The following CAST variants were observed in gnomAD, a reference collection of about 807,000 sequenced individuals.
CAST encodes calpastatin.
A neutral mutation model predicts 119.6 loss-of-function variants in CAST; 76 were observed. The observed-to-expected ratio is 0.64, with a 90% CI of 0.53 to 0.77. CAST has a LOEUF of 0.77. Ranked by LOEUF, CAST falls within the 30% of genes least tolerant of loss-of-function variation. The probability of loss-of-function intolerance (pLI) is 0.00; values close to 1 mark genes in which losing one functional copy is unlikely to be tolerated. For missense variants in CAST, 953 were observed against 946.5 expected (o/e 1.01, Z -0.09); for synonymous variants, 319 against 331.6 (o/e 0.96, Z 0.41).
the CAST span, chr5:96,429,099 T>C: frequency 2.2e-5 from 15 of 670,072 alleles, no homozygotes; most frequent in Non-Finnish European, 2.4e-5. Context: ...ATAAACAATC[T>C]TGGTCACAAT....
chr5:95,982,573 G>A, the CAST span, among the ~76,000 whole-genome samples: 1 of 152,006 alleles, frequency 6.6e-6, no homozygotes, highest in Non-Finnish European at 1.5e-5. Context: ...GTAATTATAG[G>A]GCCTAACTTA....
intron 9 of CAST, among the ~76,000 whole-genome samples, chr5:96,732,176 C>A (rs561131565): frequency 7.1e-6 from 1 of 141,332 alleles, no homozygotes; most frequent in East Asian, 2.1e-4. Context: ...TGTTTCCTGA[C>A]TTTTGAATGA....
intron 2 of CAST, among the ~76,000 whole-genome samples, chr5:96,683,469 A>C (rs541711631): frequency 6.6e-6 from 1 of 152,316 alleles, no homozygotes; most frequent in South Asian, 2.1e-4. Context: ...AAGCTCCTCT[A>C]TTCTAGTTTG....
At chr5:96,464,108 G>A in the CAST span, among the ~76,000 whole-genome samples, 1 of 151,758 alleles carries the variant, frequency 6.6e-6, no homozygotes, top group Non-Finnish European at 1.5e-5. Context: ...AGGTCTAAAG[G>A]TTTTGTTTTG....
chr5:96,120,432 T>C, the CAST span, among the ~76,000 whole-genome samples: 1 of 152,036 alleles, frequency 6.6e-6, no homozygotes, highest in South Asian at 2.1e-4. Context: ...TGTTTGCAAG[T>C]CTGGTTTTCT....
At chr5:96,315,155 G>A in the CAST span, among the ~76,000 whole-genome samples, 1 of 152,120 alleles carries the variant, frequency 6.6e-6, no homozygotes, top group Non-Finnish European at 1.5e-5. Flanking sequence ...ACTGTGATAC[G>A]GGTATAAGTA....
the CAST span, among the ~76,000 whole-genome samples, chr5:96,243,595 G>A: frequency 6.6e-6 from 1 of 152,080 alleles, no homozygotes; most frequent in Non-Finnish European, 1.5e-5. Flanking sequence ...GCAGTTTCTG[G>A]AGAAGAGGCT....
the CAST span, among the ~76,000 whole-genome samples, chr5:96,227,139 G>T: frequency 6.6e-6 from 1 of 152,108 alleles, no homozygotes; most frequent in South Asian, 2.1e-4. Flanking sequence ...GAGGGGGAGG[G>T]TGCTTTTAAT....
At chr5:96,535,709 G>GACT (rs1313595291) in intron 1 of CAST, among the ~76,000 whole-genome samples, 1 of 151,740 alleles carries the variant, frequency 6.6e-6, no homozygotes, top group East Asian at 2.0e-4. Context: ...GAGTAGCTGG[G>GACT]ACTACAGGCG....
intron 1 of CAST, among the ~76,000 whole-genome samples, chr5:96,532,849 C>CA (rs886567751): frequency 3.1e-4 from 46 of 149,932 alleles, no homozygotes; most frequent in African/African-American, 1.0e-3. Flanking sequence ...AACTCCATCT[C>CA]AAAAAAAAAT....
At chr5:96,321,663 C>A in the CAST span, among the ~76,000 whole-genome samples, 2 of 152,316 alleles carry the variant, frequency 1.3e-5, no homozygotes, top group East Asian at 1.9e-4. Flanking sequence ...CCCAAGGAGG[C>A]AAATTGCCCA....
At chr5:96,375,563 G>A in the CAST span, among the ~76,000 whole-genome samples, 1 of 151,984 alleles carries the variant, frequency 6.6e-6, no homozygotes, top group Non-Finnish European at 1.5e-5. Context: ...ATTAATTTAT[G>A]TGTCAACTGG....
chr5:95,984,414 T>C, the CAST span, among the ~76,000 whole-genome samples: 1 of 152,194 alleles, frequency 6.6e-6, no homozygotes, highest in Non-Finnish European at 1.5e-5. Context: ...TTAACAGTGA[T>C]ACTCTATCCT....
At chr5:96,345,767 G>A in the CAST span, among the ~76,000 whole-genome samples, 2 of 152,170 alleles carry the variant, frequency 1.3e-5, no homozygotes, top group African/African-American at 2.4e-5. Context: ...TCAGTTCCCT[G>A]CTGGCTGTTG....
At chr5:96,017,545 A>G in the CAST span, among the ~76,000 whole-genome samples, 1 of 152,200 alleles carries the variant, frequency 6.6e-6, no homozygotes, top group East Asian at 1.9e-4. Context: ...TTGTGGTCAC[A>G]TGTCTTTCAT....
the CAST span, among the ~76,000 whole-genome samples, chr5:95,983,651 T>G: frequency 2.0e-5 from 3 of 151,096 alleles, no homozygotes; most frequent in Admixed American, 2.0e-4. Flanking sequence ...CATAATCACA[T>G]GTTACTTTAA....
At chr5:96,712,293 G>A (rs1444327011) in intron 3 of CAST, among the ~76,000 whole-genome samples, 1 of 152,156 alleles carries the variant, frequency 6.6e-6, no homozygotes, top group Non-Finnish European at 1.5e-5. Context: ...TGGCTCCAAA[G>A]CCATTCTTCT....
At position 96,534,747 on chromosome 5, in the gene CAST, A is replaced by AAG. The variant is rs1400894061; in HGVS notation, c.60+4869_60+4870dup. On this transcript the variant is annotated intron_variant, in intron 1 of 11. Transcript: ENST00000505143. ...AGAGAGAGAGAGAGAGAGAGAAAGA[A>AAG]AGAAAGAAAGAAAGAAAGAAAGAAA... 6.7e-3 allele frequency among the ~76,000 whole-genome samples: 192 copies of AAG among 28,488 alleles called. 17 individuals are homozygous for AAG. The highest frequency in any genetic ancestry group is 0.018 in the Middle Eastern group (1 of 56). 18.7% of individuals were successfully genotyped at this position (28,488 alleles called of 152,430 possible). A position where few individuals can be genotyped will look rare whatever the true frequency, so the allele number is the denominator to read the frequency against.
At chr5:96,229,065 A>G in the CAST span, among the ~76,000 whole-genome samples, 1 of 152,024 alleles carries the variant, frequency 6.6e-6, no homozygotes, top group South Asian at 2.1e-4. Context: ...TCAAAAATCC[A>G]TGTTATCTAT....
Sources: gnomAD v4.1 joint callset for allele counts (sites outside exome capture counted in the v4.1 genomes callset) on GRCh38, gnomAD v4.1.1 for gene constraint, MANE v1.5 for transcripts, NCBI Gene and HGNC (gene_info 2026-07-23, HGNC 2026-07-21) for gene names.